QKI: variants seen among roughly 807,000 people sequenced by gnomAD.
The protein encoded by QKI is KH domain-containing RNA-binding protein QKI.
In QKI, 10 loss-of-function variants were observed where a neutral mutation model predicts 39.0. The ratio of observed to expected loss-of-function variants is 0.26; its 90% CI spans 0.16 to 0.43. The LOEUF (loss-of-function observed/expected upper bound fraction) is 0.43. Among genes scored for constraint, QKI ranks in the 20% least tolerant of loss-of-function variants. The pLI, the probability that QKI is intolerant of heterozygous loss-of-function variation, is 1.00. For missense variants in QKI, 218 were observed against 428.0 expected (o/e 0.51, Z 4.33); for synonymous variants, 204 against 155.4 (o/e 1.31, Z -2.33).
At chr6:163,477,595 A>G (rs1792720137) in intron 2 of QKI, among the ~76,000 whole-genome samples, 1 of 152,212 alleles carries the variant, frequency 6.6e-6, no homozygotes. Flanking sequence ...CTATTAGCAG[A>G]TTTCAGAATC....
chr6:163,571,727 AAG>A lies in QKI; in HGVS notation c.*1019_*1020del, dbSNP rs1554281564. ...TATACTTTCAAGTGTTATAAAAAAA[AAG>A]AAAAAGAACAAAGAAACCCTTTATT... On this transcript the variant is annotated 3_prime_UTR_variant, in exon 8 of 8. Transcript: ENST00000361752. 6.6e-6 allele frequency: 1 copy of A among 151,700 alleles called. No homozygotes were observed. Among genetic ancestry groups the A allele is most frequent in the African/African-American group, 2.4e-5 (1 of 41,284 alleles). 9.4% of individuals were successfully genotyped at this position (151,700 alleles called of 1,614,324 possible). A position where few individuals can be genotyped will look rare whatever the true frequency, so the allele number is the denominator to read the frequency against.
At chr6:163,486,176 A>AGT (rs1235663152) in intron 3 of QKI, among the ~76,000 whole-genome samples, 1 of 152,216 alleles carries the variant, frequency 6.6e-6, no homozygotes, top group African/African-American at 2.4e-5. Context: ...TAACCCACCC[A>AGT]GTTGCTCATT....
Position 163,576,912 on chromosome 6 carries a change from C to T in QKI, c.*6202C>T, listed in dbSNP as rs1398747313. 1 of 152,210 alleles carries T rather than the reference C, an allele frequency of 6.6e-6. No individual in the cohort carries two copies. The highest frequency in any genetic ancestry group is 1.5e-5 in the Non-Finnish European group (1 of 68,028). 9.4% of individuals were successfully genotyped at this position (152,210 alleles called of 1,614,324 possible). A position where few individuals can be genotyped will look rare whatever the true frequency, so the allele number is the denominator to read the frequency against. Reference sequence around the variant, plus strand: ...CCATTAAGGGAGATTAGTAAACAGACTGCTACAGTGTTCCATAGTTGGACT... The same window carrying T: ...CCATTAAGGGAGATTAGTAAACAGATTGCTACAGTGTTCCATAGTTGGACT... On this transcript the variant is annotated 3_prime_UTR_variant, in exon 8 of 8. Coordinates refer to ENST00000361752, the MANE Select transcript of QKI (RefSeq NM_006775.3).
intron 3 of QKI, among the ~76,000 whole-genome samples, chr6:163,495,442 C>T (rs965260688): frequency 6.6e-6 from 1 of 152,072 alleles, no homozygotes; most frequent in Non-Finnish European, 1.5e-5. Flanking sequence ...ATAATTATTA[C>T]CGTTTGCTGA....
At chr6:163,419,467 G>C (rs1367277453) in intron 1 of QKI, among the ~76,000 whole-genome samples, 1 of 152,134 alleles carries the variant, frequency 6.6e-6, no homozygotes, top group Non-Finnish European at 1.5e-5. Context: ...GTAACAAACA[G>C]ATTTTAAGGT....
chr6:163,504,428 A>G (rs915468963), intron 3 of QKI, among the ~76,000 whole-genome samples: 1 of 152,214 alleles, frequency 6.6e-6, no homozygotes, highest in Non-Finnish European at 1.5e-5. Context: ...AATAGCGTTC[A>G]ATCTGTAGAT....
chr6:163,558,052 A>C (rs1351949660), intron 4 of QKI, among the ~76,000 whole-genome samples: 6 of 152,206 alleles, frequency 3.9e-5, no homozygotes, highest in African/African-American at 1.4e-4. Context: ...AGAGTTGCTC[A>C]TTCCCGATCA....
rs187877800 is a variant in QKI, at chr6:163,519,797, A to T, written c.403-15185A>T. Reference sequence around the variant, plus strand: ...TGATAGCTTACTTTTTAAGCATTATAGTTATTTTATATAGTTGTTATATAA... The same window carrying T: ...TGATAGCTTACTTTTTAAGCATTATTGTTATTTTATATAGTTGTTATATAA... On this transcript the variant is annotated intron_variant, in intron 3 of 7. Coordinates refer to ENST00000361752, the MANE Select transcript of QKI (RefSeq NM_006775.3). Among the ~76,000 whole-genome samples the T allele has an allele frequency of 5.9e-5, 9 of 152,228 alleles. No individual in the cohort carries two copies. In the East Asian group the frequency reaches 1.5e-3, roughly 26 times the overall value.
At chr6:163,531,365 G>C (rs758018174) in intron 3 of QKI, among the ~76,000 whole-genome samples, 15 of 152,164 alleles carry the variant, frequency 9.9e-5, no homozygotes, top group Admixed American at 5.9e-4. Flanking sequence ...CTTCCTTTCA[G>C]AATCAGTTTC....
At chr6:163,551,654 T>C (rs1212940566) in intron 4 of QKI, among the ~76,000 whole-genome samples, 4 of 152,266 alleles carry the variant, frequency 2.6e-5, no homozygotes, top group Non-Finnish European at 5.9e-5. Context: ...TTTCTACCGC[T>C]ACTCTTCTTT....
intron 3 of QKI, among the ~76,000 whole-genome samples, chr6:163,494,588 T>TA (rs1417210582): frequency 6.6e-6 from 1 of 152,212 alleles, no homozygotes; most frequent in Non-Finnish European, 1.5e-5. Context: ...ACCACCTTTT[T>TA]ACTTCAGTTC....
At position 163,567,750 on chromosome 6, in the gene QKI, A is replaced by G. The variant is rs141321210; in HGVS notation, c.1009+955A>G. On this transcript the variant is annotated intron_variant, in intron 7 of 7. Coordinates refer to ENST00000361752, the MANE Select transcript of QKI (RefSeq NM_006775.3). The stretch of plus-strand genomic sequence containing the variant: ...AAAAAAGGATTTTTTACAAGTTTCT[A>G]TTATGGCACATTTGTTTCCTACAAA... 10 of 984,808 alleles carry G rather than the reference A, an allele frequency of 1.0e-5. No individual in the cohort carries two copies. The South Asian group carries it at 2.4e-4, about 23-fold the overall frequency. The allele number at this position is 984,808 out of a possible 1,614,324, so 61.0% of individuals were successfully genotyped here.
intron 1 of QKI, among the ~76,000 whole-genome samples, chr6:163,453,423 A>G (rs1354786683): frequency 6.6e-6 from 1 of 152,168 alleles, no homozygotes; most frequent in East Asian, 1.9e-4. Flanking sequence ...TTATATGGAA[A>G]GTGCTTTTTT....
intron 4 of QKI, among the ~76,000 whole-genome samples, chr6:163,549,457 T>C (rs534341244): frequency 2.6e-5 from 4 of 152,298 alleles, no homozygotes; most frequent in African/African-American, 9.6e-5. Flanking sequence ...ATGCCTGTAA[T>C]CCTAGCACTT....
intron 7 of QKI, chr6:163,567,601 T>C (rs996025391): frequency 1.0e-6 from 1 of 983,396 alleles, no homozygotes; most frequent in Non-Finnish European, 1.2e-6. Flanking sequence ...TTGTGTCCTG[T>C]ATATGCCCTT....
chr6:163,532,157 A>G (rs1460032114), intron 3 of QKI, among the ~76,000 whole-genome samples: 15 of 152,212 alleles, frequency 9.9e-5, no homozygotes, highest in Admixed American at 5.9e-4. Flanking sequence ...TTCTCCATGT[A>G]TAGAGGTTTC....
chr6:163,482,223 T>G (rs1793127263), intron 3 of QKI, among the ~76,000 whole-genome samples: 1 of 152,114 alleles, frequency 6.6e-6, no homozygotes, highest in Non-Finnish European at 1.5e-5. Flanking sequence ...CTGAGTTCTA[T>G]TCTGTGGTAC....
At chr6:163,563,217 C>A (rs1783139930) in intron 5 of QKI, among the ~76,000 whole-genome samples, 1 of 152,116 alleles carries the variant, frequency 6.6e-6, no homozygotes, top group South Asian at 2.1e-4. Flanking sequence ...TTTGCACATT[C>A]TTAATCACAT....
At chr6:163,440,412 C>G (rs1789677690) in intron 1 of QKI, among the ~76,000 whole-genome samples, 1 of 152,146 alleles carries the variant, frequency 6.6e-6, no homozygotes, top group South Asian at 2.1e-4. Flanking sequence ...GGGAATCTAC[C>G]TGATAATAAT....
Sources: gnomAD v4.1 joint callset for allele counts (sites outside exome capture counted in the v4.1 genomes callset) on GRCh38, gnomAD v4.1.1 for gene constraint, MANE v1.5 for transcripts, NCBI Gene and HGNC (gene_info 2026-07-23, HGNC 2026-07-21) for gene names.